Variants in PHKB observed in about 807,000 individuals in gnomAD.
PHKB encodes the protein phosphorylase b kinase regulatory subunit beta.
A neutral mutation model predicts 152.1 loss-of-function variants in PHKB; 122 were observed. The ratio of observed to expected loss-of-function variants is 0.80; its 90% confidence interval spans 0.69 to 0.93. PHKB has a LOEUF of 0.93. Ranked by LOEUF, PHKB falls within the 40% of genes least tolerant of loss-of-function variation. PHKB has a pLI of 0.00. For missense variants in PHKB, 1,304 were observed against 1,328.4 expected, an observed-to-expected ratio of 0.98 and a Z score of 0.29; for synonymous variants, 436 against 464.9, an observed-to-expected ratio of 0.94 and a Z score of 0.80.
At chr16:47,476,822 T>C (rs959443322) in intron 1 of PHKB, among the ~76,000 whole-genome samples, 5 of 152,208 alleles carry the variant, frequency 3.3e-5, no homozygotes, top group Admixed American at 1.3e-4. Context: ...CCAACAGATA[T>C]ATCTTCTAGA....
intron 26 of PHKB, among the ~76,000 whole-genome samples, chr16:47,674,157 T>C (rs1973685252): frequency 1.3e-5 from 2 of 152,210 alleles, no homozygotes; most frequent in South Asian, 2.1e-4. Context: ...ATGCCAGATT[T>C]TTTTTTTTTT....
chr16:47,681,197 G>A (rs1425196995), intron 26 of PHKB, among the ~76,000 whole-genome samples: 1 of 152,046 alleles, frequency 6.6e-6, no homozygotes, highest in Non-Finnish European at 1.5e-5. Flanking sequence ...CAACTATGTA[G>A]TCAGTTTTGG....
At chr16:47,492,207 GT>G (rs1330555754) in intron 1 of PHKB, among the ~76,000 whole-genome samples, 4 of 152,198 alleles carry the variant, frequency 2.6e-5, no homozygotes, top group African/African-American at 7.2e-5. Context: ...TCCCAAGGAT[GT>G]AAAACAGAAT....
rs776607870 is a variant in PHKB at position 47,461,347 on chromosome 16, C to A, written c.-4C>A. The A allele has an allele frequency of 4.4e-6, 7 of 1,607,566 alleles. No individual in the cohort carries two copies. The African/African-American group carries it at 6.7e-5, about 15-fold the overall frequency. The stretch of plus-strand genomic sequence containing the variant: ...GCGGTGGCCAAGGCGGCGACCGGAG[C>A]GCGATGGCGGGGGCGGCGGGACTCA... On this transcript the variant is annotated 5_prime_UTR_variant, in exon 1 of 31. Transcript: ENST00000323584.
At chr16:47,546,884 G>C (rs1327410072) in intron 6 of PHKB, among the ~76,000 whole-genome samples, 2 of 152,130 alleles carry the variant, frequency 1.3e-5, no homozygotes, top group Middle Eastern at 3.2e-3. Context: ...AGTGAGCAAG[G>C]CTCCATGGCC....
intron 1 of PHKB, among the ~76,000 whole-genome samples, chr16:47,492,738 G>T (rs529145909): frequency 1.3e-5 from 2 of 152,308 alleles, no homozygotes; most frequent in South Asian, 2.1e-4. Flanking sequence ...AGTGACAGGG[G>T]TTGGGGCATG....
chr16:47,470,355 A>T (rs886701728), intron 1 of PHKB, among the ~76,000 whole-genome samples: 3 of 152,218 alleles, frequency 2.0e-5, no homozygotes, highest in Non-Finnish European at 2.9e-5. Context: ...GCATGTCTTT[A>T]AGGCACAGAT....
chr16:47,517,352 C>G (rs1300876688), intron 6 of PHKB, among the ~76,000 whole-genome samples: 1 of 151,426 alleles, frequency 6.6e-6, no homozygotes, highest in African/African-American at 2.4e-5. Flanking sequence ...ACTTCCTGGG[C>G]TCAGGTGATT....
intron 7 of PHKB, among the ~76,000 whole-genome samples, chr16:47,558,200 C>T (rs890903763): frequency 6.4e-4 from 86 of 133,618 alleles, no homozygotes; most frequent in African/African-American, 2.3e-3. Flanking sequence ...CACATGGACA[C>T]AGGAAGGGGA....
Position 47,698,560 on chromosome 16 carries a change from A to G in PHKB, c.3116A>G (p.Gln1039Arg). 1 of 1,597,442 alleles carries G rather than the reference A, an allele frequency of 6.3e-7. No individual in the cohort carries two copies. ...GCATTTAATGAATTTCAAAAAGATC[A>G]GAGTCGGCTAAAGGAAATTGAAAAA... The part of the protein sequence containing the change: ...KEAFNEFQKD[Q>R]SRLKEIEKQD... Residue 1039 changes from glutamine (Q) to arginine (R), a missense_variant, in exon 30 of 31, where the codon CAG (glutamine) becomes CGG (arginine). Physicochemically the swap from Gln to Arg is conservative, Grantham distance 43. Coordinates refer to ENST00000323584, the MANE Select transcript of PHKB (RefSeq NM_000293.3).
intron 24 of PHKB, 110 bp from the exon 25 acceptor site, chr16:47,664,775 A>G (rs1973508055): frequency 1.3e-6 from 1 of 747,964 alleles, no homozygotes; most frequent in East Asian, 2.7e-5. Context: ...CATTTCAGAT[A>G]AATCATTAAC....
chr16:47,616,067 A>C (rs185623939), intron 14 of PHKB, among the ~76,000 whole-genome samples: 8 of 151,714 alleles, frequency 5.3e-5, no homozygotes, highest in Non-Finnish European at 1.0e-4. Context: ...ACAGTTCTTT[A>C]TGTATTCTGA....
At chr16:47,492,154 G>C (rs2151639210) in intron 1 of PHKB, among the ~76,000 whole-genome samples, 1 of 152,262 alleles carries the variant, frequency 6.6e-6, no homozygotes, top group East Asian at 1.9e-4. Context: ...TTGTAAAATG[G>C]TGAGGCTAGA....
intron 8 of PHKB, among the ~76,000 whole-genome samples, chr16:47,582,640 A>G (rs928584169): frequency 2.6e-5 from 4 of 152,204 alleles, no homozygotes; most frequent in Non-Finnish European, 4.4e-5. Context: ...ATTCTAATAT[A>G]CAATCAAGGG....
intron 26 of PHKB, chr16:47,675,517 A>ACTCTCTCT (rs1250575870): frequency 6.2e-5 from 9 of 144,548 alleles, no homozygotes; most frequent in African/African-American, 1.9e-4. Flanking sequence ...ACACACACAC[A>ACTCTCTCT]CACTCTCTCT....
intron 14 of PHKB, among the ~76,000 whole-genome samples, chr16:47,618,459 C>T (rs1193152108): frequency 2.0e-5 from 3 of 152,022 alleles, no homozygotes. Context: ...CTTCTATACT[C>T]AATGTTTCTT....
intron 7 of PHKB, chr16:47,566,365 C>T: frequency 6.8e-7 from 1 of 1,472,592 alleles, no homozygotes; most frequent in Non-Finnish European, 9.5e-7. Flanking sequence ...TCATTCCTGT[C>T]TTTATCCTGT....
chr16:47,483,006 C>A (rs1969989416), intron 1 of PHKB, among the ~76,000 whole-genome samples: 1 of 150,986 alleles, frequency 6.6e-6, no homozygotes, highest in Non-Finnish European at 1.5e-5. Flanking sequence ...TAGGTGTGAA[C>A]CACCATGCCT....
chr16:47,669,346 G>C lies in PHKB; in HGVS notation c.2559G>C (p.Leu853=), dbSNP rs550418875. 1 of 1,614,088 alleles carries C rather than the reference G, an allele frequency of 6.2e-7. No homozygotes were observed. Among genetic ancestry groups the C allele is most frequent in the East Asian group, 2.2e-5 (1 of 44,878 alleles). The change falls in exon 26 of 31, where the codon CTG becomes CTC. Residue 853 remains leucine (L), a synonymous_variant. Coordinates refer to ENST00000323584, the MANE Select transcript of PHKB (RefSeq NM_000293.3). The stretch of plus-strand genomic sequence containing the variant: ...GGGAAGCGGTCATTCAGCAAGAACT[G>C]GTCATCCATATTGGCTGGATCATCT... ...DEREAVIQQE[L]VIHIGWIISN... is the part of the protein sequence containing the mutation.
Sources: gnomAD v4.1 joint callset for allele counts (sites outside exome capture counted in the v4.1 genomes callset) on GRCh38, gnomAD v4.1.1 for gene constraint, MANE v1.5 for transcripts, NCBI Gene and HGNC (gene_info 2026-07-23, HGNC 2026-07-21) for gene names.